The following FOXN3 variants were observed in gnomAD, a reference collection of about 807,000 sequenced individuals.
The protein encoded by FOXN3 is forkhead box protein N3.
In FOXN3, 7 loss-of-function variants were observed where a neutral mutation model predicts 38.4. That is an observed-to-expected ratio of 0.18 (90% CI 0.10 to 0.34). FOXN3 has a LOEUF of 0.34. Ranked by LOEUF, FOXN3 falls within the 10% of genes least tolerant of loss-of-function variation. FOXN3 has a pLI of 1.00. For missense variants in FOXN3, 456 were observed against 613.4 expected, an observed-to-expected ratio of 0.74 and a Z score of 2.71; for synonymous variants, 230 against 242.2, an observed-to-expected ratio of 0.95 and a Z score of 0.47.
intron 1 of FOXN3, among the ~76,000 whole-genome samples, chr14:89,582,268 G>A (rs243202): frequency 0.85 from 129,366 of 152,108 alleles, 55,317 homozygotes; most frequent in Admixed American, 0.89. Context: ...CACATCAGAC[G>A]CCCCAAACTC....
chr14:89,416,298 A>C (rs972636779), intron 1 of FOXN3, among the ~76,000 whole-genome samples: 4 of 152,192 alleles, frequency 2.6e-5, no homozygotes, highest in Admixed American at 6.5e-5. Flanking sequence ...GAGCTCGCAT[A>C]CCTTCACTGC....
chr14:89,419,298 G>T, upstream of FOXN3: 1 of 434,990 alleles, frequency 2.3e-6, no homozygotes, highest in African/African-American at 2.0e-5. Context: ...GCCAAAGGAG[G>T]GCTTAATGTG....
Position 89,286,034 on chromosome 14 carries a change from G to GT in FOXN3, c.681-5021dup, listed in dbSNP as rs200620688. On this transcript the variant is annotated intron_variant, in intron 3 of 5. Transcript: ENST00000557258. The stretch of plus-strand genomic sequence containing the variant: ...GGCACACACCACTATGCCTGGCTAA[G>GT]TTTTTTTTGTTGTTGTTTGTAGGAC... 4.9e-4 allele frequency among the ~76,000 whole-genome samples: 74 copies of GT among 150,374 alleles called. 1 individual carries two copies. Among genetic ancestry groups the GT allele is most frequent in the Middle Eastern group, 3.4e-3 (1 of 292 alleles).
At chr14:89,499,426 C>T (rs1433738674) in intron 1 of FOXN3, among the ~76,000 whole-genome samples, 1 of 151,156 alleles carries the variant, frequency 6.6e-6, no homozygotes, top group Non-Finnish European at 1.5e-5. Context: ...AATTTAAAAC[C>T]TTTTTGGGTG....
chr14:89,527,594 C>T (rs1453072714), intron 1 of FOXN3, among the ~76,000 whole-genome samples: 1 of 152,040 alleles, frequency 6.6e-6, no homozygotes, highest in East Asian at 1.9e-4. Flanking sequence ...TAAAGAAGAT[C>T]TTAATGGCAA....
chr14:89,379,014 T>C (rs1401895555), intron 2 of FOXN3, among the ~76,000 whole-genome samples: 1 of 152,166 alleles, frequency 6.6e-6, no homozygotes, highest in Non-Finnish European at 1.5e-5. Flanking sequence ...GCTCACACAT[T>C]TCTTGAATCA....
rs141998935 is a variant in FOXN3 at position 89,172,487 on chromosome 14, C to T, written c.851+8214G>A. 3.1e-3 allele frequency among the ~76,000 whole-genome samples: 469 copies of T among 152,216 alleles called. 10 individuals carry two copies. Among genetic ancestry groups the T allele is most frequent in the East Asian group, 0.018 (93 of 5,184 alleles). On this transcript the variant is annotated intron_variant, in intron 5 of 5. Coordinates refer to ENST00000557258, the MANE Select transcript of FOXN3 (RefSeq NM_005197.4). The stretch of plus-strand genomic sequence containing the variant: ...GTGTCTTTTCTTTGTTTTTCTTGTT[C>T]GCGCACTCCCTTGCAGTTTATCAAG...
chr14:89,511,437 C>T (rs866149218), intron 1 of FOXN3, among the ~76,000 whole-genome samples: 46 of 151,520 alleles, frequency 3.0e-4, no homozygotes, highest in African/African-American at 6.8e-4. Context: ...GGACTACAGG[C>T]GTGCACTACT....
chr14:89,516,319 C>A (rs1894201752), intron 1 of FOXN3, among the ~76,000 whole-genome samples: 1 of 152,142 alleles, frequency 6.6e-6, no homozygotes, highest in African/African-American at 2.4e-5. Flanking sequence ...TAACCTTACA[C>A]AGGCCAGATG....
chr14:89,253,048 C>A (rs1885508993), intron 4 of FOXN3, among the ~76,000 whole-genome samples: 1 of 152,130 alleles, frequency 6.6e-6, no homozygotes, highest in African/African-American at 2.4e-5. Flanking sequence ...CGGTGCTGAT[C>A]CTGGTGGACT....
At chr14:89,224,878 C>G (rs1884582783) in intron 4 of FOXN3, among the ~76,000 whole-genome samples, 1 of 152,158 alleles carries the variant, frequency 6.6e-6, no homozygotes, top group South Asian at 2.1e-4. Flanking sequence ...CGCTTGTAAG[C>G]CCAGCACTTT....
intron 3 of FOXN3, among the ~76,000 whole-genome samples, chr14:89,298,111 A>G (rs796998272): frequency 1.3e-5 from 2 of 152,226 alleles, no homozygotes; most frequent in Non-Finnish European, 2.9e-5. Context: ...TCAGCCTTTA[A>G]AAGGAAGGAA....
intron 1 of FOXN3, among the ~76,000 whole-genome samples, chr14:89,462,034 C>T (rs1892859784): frequency 6.6e-6 from 1 of 152,140 alleles, no homozygotes; most frequent in Non-Finnish European, 1.5e-5. Context: ...AAATTATTTC[C>T]TAATTACATG....
At chr14:89,289,203 GA>G (rs55765819) in intron 3 of FOXN3, among the ~76,000 whole-genome samples, 7 of 6,636 alleles carry the variant, frequency 1.1e-3, no homozygotes, top group Admixed American at 7.5e-3. Context: ...AAAAAGAAAA[GA>G]AAAAGAAAAG....
rs1298888344 is a variant in FOXN3, at chr14:89,355,630, GAACAGAATGT to G, written c.544-4832_544-4823del. Among the ~76,000 whole-genome samples, 3 of 152,228 alleles carry G rather than the reference GAACAGAATGT, an allele frequency of 2.0e-5. No homozygotes were observed. The East Asian group carries it at 5.8e-4, about 29-fold the overall frequency. On this transcript the variant is annotated intron_variant, in intron 2 of 5. Transcript: ENST00000557258. ...GATCATAAGCAGCACTGTTTTAATGGAACAGAATGTAACAAACTAGAACCAAATAGAATGG... is the reference window on the plus strand; with the variant it reads ...GATCATAAGCAGCACTGTTTTAATGGAACAAACTAGAACCAAATAGAATGG...
At chr14:89,425,062 CTTTT>C (rs3994032) in intron 1 of FOXN3, among the ~76,000 whole-genome samples, 2 of 104,220 alleles carry the variant, frequency 1.9e-5, no homozygotes, top group Non-Finnish European at 1.8e-5. Flanking sequence ...GTTTTCTTTT[CTTTT>C]TTTTTTTTTT....
chr14:89,194,402 G>C (rs1566926094), intron 4 of FOXN3, among the ~76,000 whole-genome samples: 1 of 152,122 alleles, frequency 6.6e-6, no homozygotes, highest in Non-Finnish European at 1.5e-5. Context: ...TAGCAAGCTG[G>C]TTAAGCACAG....
chr14:89,413,771 A>AG (rs1891610976), intron 1 of FOXN3, among the ~76,000 whole-genome samples: 1 of 144,270 alleles, frequency 6.9e-6, no homozygotes, highest in Non-Finnish European at 1.5e-5. Context: ...GGAAAGAAGA[A>AG]GGAAAAAAAG....
chr14:89,209,672 A>G (rs1215726242), intron 4 of FOXN3, among the ~76,000 whole-genome samples: 3 of 152,220 alleles, frequency 2.0e-5, no homozygotes, highest in Non-Finnish European at 4.4e-5. Flanking sequence ...AAACTTACCC[A>G]CTATTCAGAG....
Sources: gnomAD v4.1 joint callset for allele counts (sites outside exome capture counted in the v4.1 genomes callset) on GRCh38, gnomAD v4.1.1 for gene constraint, MANE v1.5 for transcripts, NCBI Gene and HGNC (gene_info 2026-07-23, HGNC 2026-07-21) for gene names.